Variants in UNC13C observed in about 807,000 individuals in gnomAD.
UNC13C encodes unc-13 homolog C.
Under a neutral mutation model 245.4 loss-of-function variants are expected in UNC13C, and 174 were observed. The observed-to-expected ratio is 0.71, with a 90% CI of 0.63 to 0.80. The LOEUF is 0.80. Ranked by LOEUF, UNC13C falls within the 30% of genes least tolerant of loss-of-function variation. UNC13C has a pLI of 0.00. For synonymous variants in UNC13C, 992 were observed against 895.1 expected (o/e 1.11, Z -1.93); for missense variants, 2,829 against 2,602.9 (o/e 1.09, Z -1.89).
chr15:54,443,176 C>G (rs950570859), intron 19 of UNC13C, among the ~76,000 whole-genome samples: 1 of 152,042 alleles, frequency 6.6e-6, no homozygotes, highest in African/African-American at 2.4e-5. Context: ...TCCATTTCCT[C>G]TAGGTTTTCC....
At chr15:54,480,843 A>G (rs1421646859) in intron 19 of UNC13C, among the ~76,000 whole-genome samples, 1 of 151,924 alleles carries the variant, frequency 6.6e-6, no homozygotes, top group African/African-American at 2.4e-5. Flanking sequence ...ACTTTTTCTA[A>G]TTTTATCAAT....
rs1213954613 is a variant in UNC13C at position 54,014,179 on chromosome 15, AC to A, written c.1277del (p.Thr426AsnfsTer7). ...AGAGAAAGGGATACCATCCTCCCAG[AC>A]ATATGAGAGCATGGCTATAAAGTTG... ...RKEKGIPSSQTYESMAIKLST... is the reference protein window; with the variant it reads ...RKEKGIPSSQXYESMAIKLST... On this transcript the variant is annotated frameshift_variant, in exon 2 of 33. Transcript: ENST00000260323. LOFTEE classifies it high-confidence loss of function. 1 of 1,613,802 alleles carries A rather than the reference AC, an allele frequency of 6.2e-7. No homozygotes were observed.
chr15:54,220,982 A>C (rs1305554824), intron 4 of UNC13C, among the ~76,000 whole-genome samples: 1 of 152,064 alleles, frequency 6.6e-6, no homozygotes, highest in African/African-American at 2.4e-5. Context: ...GCTGGCTTAG[A>C]GGACAATATT....
At chr15:53,838,850 G>C in the UNC13C span, among the ~76,000 whole-genome samples, 4,220 of 152,016 alleles carry the variant, frequency 0.028, 181 homozygotes, top group African/African-American at 0.097. Flanking sequence ...GAATTTTATG[G>C]AGGAGAGAGA....
At chr15:54,234,828 G>A (rs574159378) in intron 4 of UNC13C, among the ~76,000 whole-genome samples, 24 of 152,216 alleles carry the variant, frequency 1.6e-4, no homozygotes, top group Admixed American at 1.4e-3. Context: ...AAGATGAGTC[G>A]TCAGCAAATG....
Position 54,014,394 on chromosome 15 carries a change from TAGC to T in UNC13C, c.1497_1499del (p.Ser499del), listed in dbSNP as rs1377565469. The T allele has an allele frequency of 1.2e-6, 2 of 1,613,854 alleles. No individual in the cohort carries two copies. Among genetic ancestry groups the T allele is most frequent in the Non-Finnish European group, 1.7e-6 (2 of 1,179,842 alleles). On this transcript the variant is annotated inframe_deletion, in exon 2 of 33. Transcript: ENST00000260323. ...CTAGATCCAAGAATAAAACTGCTAA[TAGC>T]AGCAGAATTTCAAATAAATCAGATT...
At chr15:54,574,898 G>C (rs1016350899) in intron 30 of UNC13C, among the ~76,000 whole-genome samples, 8 of 152,126 alleles carry the variant, frequency 5.3e-5, no homozygotes, top group Non-Finnish European at 1.2e-4. Context: ...AAAGCAGATA[G>C]TTACTGATTC....
At chr15:54,511,493 TAAAAG>T (rs1381998668) in intron 23 of UNC13C, among the ~76,000 whole-genome samples, 2 of 152,148 alleles carry the variant, frequency 1.3e-5, no homozygotes, top group East Asian at 1.9e-4. Context: ...ATGTTAAAGA[TAAAAG>T]AAACTTTAGC....
At chr15:54,231,767 A>G (rs1443160607) in intron 4 of UNC13C, among the ~76,000 whole-genome samples, 2 of 152,062 alleles carry the variant, frequency 1.3e-5, no homozygotes, top group African/African-American at 2.4e-5. Flanking sequence ...TTCTTTTCTT[A>G]TCAGACCTTA....
At chr15:54,282,895 C>T (rs1329743582) in intron 10 of UNC13C, among the ~76,000 whole-genome samples, 2 of 152,158 alleles carry the variant, frequency 1.3e-5, no homozygotes, top group Admixed American at 6.5e-5. Context: ...GTCAGGCCGT[C>T]TCTCCTCTAC....
chr15:54,564,033 G>T (rs528417092), intron 29 of UNC13C, among the ~76,000 whole-genome samples: 1 of 152,116 alleles, frequency 6.6e-6, no homozygotes, highest in South Asian at 2.1e-4. Context: ...CGTCAAGTTT[G>T]CATTTGCATA....
intron 10 of UNC13C, among the ~76,000 whole-genome samples, chr15:54,292,040 C>G (rs183365980): frequency 1.3e-5 from 2 of 151,950 alleles, no homozygotes; most frequent in Non-Finnish European, 2.9e-5. Flanking sequence ...ATAAATACTA[C>G]AGTTCAAATA....
chr15:53,886,313 G>A, the UNC13C span, among the ~76,000 whole-genome samples: 1 of 152,070 alleles, frequency 6.6e-6, no homozygotes, highest in Non-Finnish European at 1.5e-5. Flanking sequence ...GTTCCAGAGA[G>A]TTATGAAGTG....
At chr15:54,147,945 A>T (rs1339952917) in intron 4 of UNC13C, among the ~76,000 whole-genome samples, 1 of 152,146 alleles carries the variant, frequency 6.6e-6, no homozygotes, top group Non-Finnish European at 1.5e-5. Context: ...TTCACTAGTC[A>T]TTGAAGTTCT....
chr15:54,594,604 TG>T (rs1898970715), intron 30 of UNC13C, among the ~76,000 whole-genome samples: 1 of 151,932 alleles, frequency 6.6e-6, no homozygotes, highest in Admixed American at 6.6e-5. Flanking sequence ...GTCAGGGAAG[TG>T]GGGGAAAGTC....
chr15:54,483,349 A>T (rs577499341), intron 19 of UNC13C, among the ~76,000 whole-genome samples: 1 of 152,302 alleles, frequency 6.6e-6, no homozygotes, highest in African/African-American at 2.4e-5. Context: ...CAGACTTACC[A>T]AATCTCTGAG....
chr15:54,462,192 C>T (rs1476910389), intron 19 of UNC13C, among the ~76,000 whole-genome samples: 2 of 152,244 alleles, frequency 1.3e-5, no homozygotes, highest in Non-Finnish European at 2.9e-5. Context: ...AATCATGAGC[C>T]ACAAACTCAT....
the UNC13C span, among the ~76,000 whole-genome samples, chr15:53,944,141 G>T: frequency 6.6e-6 from 1 of 151,970 alleles, no homozygotes; most frequent in African/African-American, 2.4e-5. Context: ...AACATAAAAG[G>T]CTTATGTCTG....
chr15:54,203,389 G>A (rs2034583344), intron 4 of UNC13C, among the ~76,000 whole-genome samples: 1 of 151,038 alleles, frequency 6.6e-6, no homozygotes, highest in Admixed American at 6.6e-5. Context: ...GTTTATAGCA[G>A]CACAATTTGC....
Sources: allele counts gnomAD v4.1 joint callset (sites outside exome capture counted in the v4.1 genomes callset), GRCh38; gene constraint gnomAD v4.1.1; transcripts MANE v1.5; gene names NCBI Gene and HGNC (gene_info 2026-07-23, HGNC 2026-07-21).